CRB2: variants seen among roughly 807,000 people sequenced by gnomAD.
CRB2 encodes the protein protein crumbs homolog 2.
CRB2 carries 85 observed loss-of-function variants against 110.9 expected under a neutral mutation model. The ratio of observed to expected loss-of-function variants is 0.77; its 90% CI spans 0.64 to 0.92. The LOEUF (loss-of-function observed/expected upper bound fraction) is 0.92, where lower values mean the gene tolerates loss of function less well. Among genes scored for constraint, CRB2 ranks in the 40% least tolerant of loss-of-function variants. The pLI is 0.00. For synonymous variants in CRB2, 907 were observed against 831.0 expected, an observed-to-expected ratio of 1.09 and a Z score of -1.57; for missense variants, 1,843 against 1,851.3, an observed-to-expected ratio of 1.00 and a Z score of 0.08.
chr9:123,366,397 G>C (rs561611510), intron 4 of CRB2, 31 bp downstream of exon 4: 2 of 1,527,578 alleles, frequency 1.3e-6, no homozygotes, highest in Middle Eastern at 2.3e-4. Context: ...GGCCTGGCGG[G>C]GGGAGGGGTA....
At chr9:123,367,750 T>C (rs919240921) in intron 6 of CRB2, 64 bp downstream of exon 6, 1 of 1,107,172 alleles carries the variant, frequency 9.0e-7, no homozygotes, top group Non-Finnish European at 1.3e-6. Flanking sequence ...AGAAGGTCCC[T>C]TCTGTCTGGA....
downstream of CRB2, chr9:123,378,798 G>GGT (rs2042147702): frequency 1.4e-4 from 10 of 71,724 alleles, no homozygotes; most frequent in South Asian, 3.9e-3. Flanking sequence ...TCGGGTGCCT[G>GGT]TTTTTTGTTT....
Position 123,370,543 on chromosome 9 carries a change from T to C in CRB2, c.1490T>C (p.Leu497Pro). ...ALVAATLQAT[L>P]WSYSTTVLVL... ...GTGGCAGCCACACTTCAGGCCACACTCTGGAGCTACAGCACCACTGTGCTT... is the reference window on the plus strand; with the variant it reads ...GTGGCAGCCACACTTCAGGCCACACCCTGGAGCTACAGCACCACTGTGCTT... Residue 497 changes from leucine (L) to proline (P), a missense_variant, in exon 7 of 13, where the codon CTC becomes CCC. Coordinates refer to ENST00000373631, the MANE Select transcript of CRB2 (RefSeq NM_173689.7). 1 of 1,613,588 alleles carries C rather than the reference T, an allele frequency of 6.2e-7. No homozygotes were observed. Among genetic ancestry groups the C allele is most frequent in the Non-Finnish European group, 8.5e-7 (1 of 1,180,030 alleles).
In CRB2 at chr9:123,366,867, C is replaced by T. The variant is rs12552775; in HGVS notation, c.755-305C>T. 0.056 allele frequency among the ~76,000 whole-genome samples: 8,350 copies of T among 150,442 alleles called. 446 individuals carry two copies. Among genetic ancestry groups the T allele is most frequent in the East Asian group, 0.16 (831 of 5,106 alleles). ...TCAGGAAGCTGAGGCAGGAGAATCG[C>T]TTGAACCTGGGAGGTGGAGGTGAGC... On this transcript the variant is annotated intron_variant, in intron 4 of 12. Transcript: ENST00000373631.
chr9:123,365,796 A>T (rs968061330), intron 2 of CRB2, 121 bp from the exon 3 acceptor site: 24 of 673,556 alleles, frequency 3.6e-5, no homozygotes, highest in Non-Finnish European at 5.2e-5. Context: ...CACCACCACC[A>T]CCATCCGGCT....
At chr9:123,374,778 T>C in intron 11 of CRB2, 83 bp downstream of exon 11, 6 of 889,990 alleles carry the variant, frequency 6.7e-6, no homozygotes, top group African/African-American at 1.6e-5. Context: ...GCGGGGGTCC[T>C]CGCCCACCTT....
At position 123,367,553 on chromosome 9, in the gene CRB2, C is replaced by T. The variant is rs2041954986; in HGVS notation, c.941-20C>T. 1.9e-6 allele frequency: 3 copies of T among 1,542,878 alleles called. No individual in the cohort carries two copies. Among genetic ancestry groups the T allele is most frequent in the African/African-American group, 2.7e-5 (2 of 72,822 alleles). ...TGGCTCTGAGGGTGCAGGTGGGACC[C>T]ACAGCTGGGCCTCTTACAGGAGCCG... is the stretch of plus-strand genomic sequence containing the variant. On this transcript the variant is annotated intron_variant, in intron 5 of 12. Transcript: ENST00000373631.
chr9:123,377,276 C>G lies in CRB2; in HGVS notation c.*214C>G, dbSNP rs1564381102. 5.3e-6 allele frequency: 3 copies of G among 566,670 alleles called. No homozygotes were observed. Among genetic ancestry groups the G allele is most frequent in the Admixed American group, 6.5e-5 (2 of 30,642 alleles). The allele number at this position is 566,670 out of a possible 1,614,324, so 35.1% of individuals were successfully genotyped here. A position where few individuals can be genotyped will look rare whatever the true frequency, so the allele number is the denominator to read the frequency against. ...AGAGGCTGCGGACTTCTCCATCCCACCCTCGGGGTTCCGCCTTGGCAGGTG... is the reference window on the plus strand; with the variant it reads ...AGAGGCTGCGGACTTCTCCATCCCAGCCTCGGGGTTCCGCCTTGGCAGGTG... On this transcript the variant is annotated 3_prime_UTR_variant, in exon 13 of 13. Coordinates refer to ENST00000373631, the MANE Select transcript of CRB2 (RefSeq NM_173689.7).
Position 123,373,486 on chromosome 9 carries a change from G to C in CRB2, c.2955G>C (p.Ala985=), listed in dbSNP as rs775269843. The C allele has an allele frequency of 2.8e-6, 4 of 1,449,372 alleles. No individual in the cohort carries two copies. The Admixed American group carries it at 1.1e-4, about 41-fold the overall frequency. The allele number at this position is 1,449,372 out of a possible 1,614,324, so 89.8% of individuals were successfully genotyped here. A position where few individuals can be genotyped will look rare whatever the true frequency, so the allele number is the denominator to read the frequency against. The change falls in exon 10 of 13, where the codon GCG becomes GCC. Residue 985 remains alanine (A), a synonymous_variant. Coordinates refer to ENST00000373631, the MANE Select transcript of CRB2 (RefSeq NM_173689.7). The part of the protein sequence containing the change: ...LWLDGAATPV[A]LRGLASDLGF... ...TGGATGGTGCCGCCACCCCGGTGGC[G>C]CTGCGCGGCCTGGCCAGTGACCTGG...
chr9:123,357,421 G>A (rs1177818615), intron 1 of CRB2, among the ~76,000 whole-genome samples: 1 of 152,204 alleles, frequency 6.6e-6, no homozygotes, highest in Non-Finnish European at 1.5e-5. Context: ...GGGTGTGGGG[G>A]CCAAGTGTCT....
intron 2 of CRB2, 39 bp from the exon 3 acceptor site, chr9:123,365,878 T>G: frequency 3.2e-6 from 5 of 1,542,588 alleles, no homozygotes; most frequent in Non-Finnish European, 4.4e-6. Flanking sequence ...CTGCTCTGGG[T>G]GTCCATCCTG....
chr9:123,373,935 C>CA lies in CRB2; in HGVS notation c.3389+16dup, dbSNP rs980713238. The CA allele has an allele frequency of 1.3e-5, 20 of 1,549,196 alleles. No homozygotes were observed. The highest frequency in any genetic ancestry group is 2.0e-5 in the Admixed American group (1 of 50,994). On this transcript the variant is annotated intron_variant, in intron 10 of 12. Transcript: ENST00000373631. Reference sequence around the variant, plus strand: ...CCGCGCTGCAGGTGGGATGGCTGGGCAGGGGGGTGGGCTGCGAATGCCCCC... The same window carrying CA: ...CCGCGCTGCAGGTGGGATGGCTGGGCAAGGGGGGTGGGCTGCGAATGCCCCC...
intron 12 of CRB2, among the ~76,000 whole-genome samples, chr9:123,375,899 G>A (rs2042095943): frequency 6.6e-6 from 1 of 152,172 alleles, no homozygotes. Flanking sequence ...ACCCCTTCCT[G>A]GGGCGGGGTG....
At position 123,367,377 on chromosome 9, in the gene CRB2, G is replaced by A; in HGVS notation, c.940+20G>A. 1.9e-6 allele frequency: 3 copies of A among 1,592,748 alleles called. No individual in the cohort carries two copies. The highest frequency in any genetic ancestry group is 2.5e-6 in the Non-Finnish European group (3 of 1,177,668). Reference sequence around the variant, plus strand: ...TTGAGGGTGAGCCCCTGCTGGGGAAGCGGTCAGCCCATGTCCAGATGCCCA... The same window carrying A: ...TTGAGGGTGAGCCCCTGCTGGGGAAACGGTCAGCCCATGTCCAGATGCCCA... On this transcript the variant is annotated intron_variant, in intron 5 of 12. Transcript: ENST00000373631.
rs1398048827 is a variant in CRB2, at chr9:123,370,395, C to T, written c.1342C>T (p.Pro448Ser). ...CACCTTCTCTGTGATGGCTGGGAGCCCCATTCAGGCATCAGTGCCAGCTGG... is the reference window on the plus strand; with the variant it reads ...CACCTTCTCTGTGATGGCTGGGAGCTCCATTCAGGCATCAGTGCCAGCTGG... ...NTTFSVMAGS[P>S]IQASVPAGGP... The change falls in exon 7 of 13, where the codon CCC becomes TCC. Residue 448 changes from proline (P) to serine (S), a missense_variant. Physicochemically the swap from Pro to Ser is moderately conservative, Grantham distance 74. Coordinates refer to ENST00000373631, the MANE Select transcript of CRB2 (RefSeq NM_173689.7). 6.2e-7 allele frequency: 1 copy of T among 1,613,684 alleles called. No homozygotes were observed. Among genetic ancestry groups the T allele is most frequent in the Non-Finnish European group, 8.5e-7 (1 of 1,180,026 alleles).
chr9:123,376,704 C>A, intron 12 of CRB2, 134 bp from the exon 13 acceptor site: 1 of 851,248 alleles, frequency 1.2e-6, no homozygotes, highest in Non-Finnish European at 1.8e-6. Context: ...TGGGTCTTCA[C>A]TGCTCCCAGG....
rs771395495 is a variant in CRB2 at position 123,372,245 on chromosome 9, C to G, written c.2505C>G (p.Ala835=). 8.7e-6 allele frequency: 14 copies of G among 1,614,122 alleles called. No homozygotes were observed. The East Asian group carries it at 3.1e-4, about 36-fold the overall frequency. Residue 835 remains alanine (A), a synonymous_variant, in exon 9 of 13, where the codon GCC becomes GCG. Transcript: ENST00000373631. The part of the protein sequence containing the change: ...TWNDFHCTCP[A]NFTGPTCAQQ... ...ATGACTTCCACTGTACCTGCCCTGC[C>G]AATTTCACGGGGCCTACGTGTGCCC...
At chr9:123,374,268 G>C (rs2042069197) in intron 10 of CRB2, among the ~76,000 whole-genome samples, 1 of 151,978 alleles carries the variant, frequency 6.6e-6, no homozygotes, top group South Asian at 2.1e-4. Context: ...CGGGAGCCCA[G>C]CGTGTGGAAG....
In CRB2 at chr9:123,373,478, C is replaced by G. The variant is rs2042050204; in HGVS notation, c.2947C>G (p.Pro983Ala). The change falls in exon 10 of 13, where the codon CCG (proline) becomes GCG (alanine). Residue 983 changes from proline to alanine, a missense_variant. Physicochemically the swap from Pro to Ala is conservative, Grantham distance 27. Transcript: ENST00000373631. ...GCTGTGGCTGGATGGTGCCGCCACC[C>G]CGGTGGCGCTGCGCGGCCTGGCCAG... Reference protein sequence around the residue: ...WLLWLDGAATPVALRGLASDL... With the variant: ...WLLWLDGAATAVALRGLASDL... 19 of 1,451,242 alleles carry G rather than the reference C, an allele frequency of 1.3e-5. No homozygotes were observed. Among genetic ancestry groups the G allele is most frequent in the Non-Finnish European group, 1.6e-5 (18 of 1,110,660 alleles). 89.9% of individuals were successfully genotyped at this position (1,451,242 alleles called of 1,614,324 possible). A position where few individuals can be genotyped will look rare whatever the true frequency, so the allele number is the denominator to read the frequency against.
Sources: allele counts gnomAD v4.1 joint callset (sites outside exome capture counted in the v4.1 genomes callset), GRCh38; gene constraint gnomAD v4.1.1; transcripts MANE v1.5; gene names NCBI Gene and HGNC (gene_info 2026-07-23, HGNC 2026-07-21).